Variants in COL1A2 observed in about 807,000 individuals in gnomAD.
COL1A2 encodes the protein collagen type I alpha 2 chain, also known as collagen alpha-2(I) chain.
A neutral mutation model predicts 174.3 loss-of-function variants in COL1A2; 49 were observed. The ratio of observed to expected loss-of-function variants is 0.28; its 90% CI spans 0.22 to 0.36. The LOEUF is 0.36. COL1A2 is among the 10% of genes least tolerant of loss of function. The pLI is 1.00. For synonymous variants in COL1A2, 655 were observed against 606.6 expected (o/e 1.08, Z -1.17); for missense variants, 1,438 against 1,822.7 (o/e 0.79, Z 3.84).
chr7:94,399,213 A>G (rs1237789725), intron 4 of COL1A2, 129 bp downstream of exon 4: 1 of 790,712 alleles, frequency 1.3e-6, no homozygotes, highest in Non-Finnish European at 2.1e-6. Flanking sequence ...TAAACAGGTA[A>G]TGCACTGCAG....
Position 94,427,962 on chromosome 7 carries a change from G to C in COL1A2, c.3526+77G>C, listed in dbSNP as rs41317743. The C allele has an allele frequency of 4.4e-4, 637 of 1,455,698 alleles. 3 individuals are homozygous for C. The African/African-American group carries it at 8.1e-3, about 19-fold the overall frequency. The allele number at this position is 1,455,698 out of a possible 1,614,324, so 90.2% of individuals were successfully genotyped here. ...CAAAATTAGTTTCCATTGACATTTA[G>C]AGTGAAAATGCATTTGGGTAAAGAT... On this transcript the variant is annotated intron_variant, in intron 49 of 51. Transcript: ENST00000297268.
intron 49 of COL1A2, among the ~76,000 whole-genome samples, 180 bp from the exon 50 acceptor site, chr7:94,428,113 A>G (rs1216704354): frequency 6.6e-6 from 1 of 152,100 alleles, no homozygotes; most frequent in Non-Finnish European, 1.5e-5. Context: ...TTGATTTTTC[A>G]TGGAGGAGGG....
At chr7:94,399,158 G>T (rs1413608519) in intron 4 of COL1A2, 74 bp downstream of exon 4, 8 of 1,370,406 alleles carry the variant, frequency 5.8e-6, no homozygotes, top group African/African-American at 1.4e-5. Flanking sequence ...ACAGGAACTG[G>T]CAATTTATAA....
At chr7:94,426,908 T>C in intron 46 of COL1A2, 100 bp from the exon 47 acceptor site, 1 of 991,412 alleles carries the variant, frequency 1.0e-6, no homozygotes, top group Non-Finnish European at 1.6e-6. Flanking sequence ...CAATCCGGAG[T>C]CCATTTAACT....
At position 94,411,145 on chromosome 7, in the gene COL1A2, G is replaced by A; in HGVS notation, c.1341G>A (p.Met447Ile). Reference protein sequence around the residue: ...DAGRPGEPGLMGPRGLPGSPG... With the variant: ...DAGRPGEPGLIGPRGLPGSPG... Reference sequence around the variant, plus strand: ...GTCGCCCTGGGGAGCCTGGTCTCATGGGACCCAGAGTAAGTTTCAAACTGA... The same window carrying A: ...GTCGCCCTGGGGAGCCTGGTCTCATAGGACCCAGAGTAAGTTTCAAACTGA... The change falls in exon 23 of 52, where the codon ATG (methionine) becomes ATA (isoleucine). Residue 447 changes from methionine (M) to isoleucine (I), a missense_variant. Coordinates refer to ENST00000297268, the MANE Select transcript of COL1A2 (RefSeq NM_000089.4). 6.3e-7 allele frequency: 1 copy of A among 1,580,968 alleles called. No individual in the cohort carries two copies. Among genetic ancestry groups the A allele is most frequent in the East Asian group, 2.3e-5 (1 of 43,354 alleles).
At position 94,420,581 on chromosome 7, in the gene COL1A2, C is replaced by T; in HGVS notation, c.2228C>T (p.Ala743Val). The change falls in exon 37 of 52, where the codon GCC (alanine) becomes GTC (valine). Residue 743 changes from alanine to valine, a missense_variant. Ala to Val is a moderately conservative substitution (Grantham distance 64). This residue lies in a region of COL1A2 where 867 missense variants were observed against 1,213.7 expected (regional missense o/e 0.71). Coordinates refer to ENST00000297268, the MANE Select transcript of COL1A2 (RefSeq NM_000089.4). ...CCTGGTGCTAAAGGAGAAAGAGGAGCCAAAGGGCCTAAGGGTGAAAACGGT... is the reference window on the plus strand; with the variant it reads ...CCTGGTGCTAAAGGAGAAAGAGGAGTCAAAGGGCCTAAGGGTGAAAACGGT... ...GQPGAKGERG[A>V]KGPKGENGVV... 1 of 1,613,616 alleles carries T rather than the reference C, an allele frequency of 6.2e-7. No individual in the cohort carries two copies. Among genetic ancestry groups the T allele is most frequent in the Non-Finnish European group, 8.5e-7 (1 of 1,179,822 alleles).
intron 20 of COL1A2, 42 bp from the exon 21 acceptor site, chr7:94,410,378 T>C: frequency 6.4e-7 from 1 of 1,572,624 alleles, no homozygotes; most frequent in South Asian, 1.2e-5. Context: ...GTATTAAAAT[T>C]ATTTTTTTAC....
intron 34 of COL1A2, 40 bp downstream of exon 34, chr7:94,419,591 A>T (rs1205436516): frequency 4.3e-6 from 7 of 1,612,032 alleles, no homozygotes; most frequent in Non-Finnish European, 5.9e-6. Context: ...CAATATCTAA[A>T]ATTTCCCGCC....
rs763364601 is a variant in COL1A2 at position 94,413,874 on chromosome 7, C to T, written c.1612-20C>T. On this transcript the variant is annotated intron_variant, in intron 27 of 51. Coordinates refer to ENST00000297268, the MANE Select transcript of COL1A2 (RefSeq NM_000089.4). ...GGTGACATACGTTGCTATTTATGCT[C>T]TCTTTCCTGTCACTTTCAGGGTGTT... 3 of 1,613,968 alleles carry T rather than the reference C, an allele frequency of 1.9e-6. No homozygotes were observed. The highest frequency in any genetic ancestry group is 4.5e-5 in the East Asian group (2 of 44,882).
Position 94,423,241 on chromosome 7 carries a change from T to C in COL1A2, c.2565+123T>C, listed in dbSNP as rs901905885. 76 of 1,194,170 alleles carry C rather than the reference T, an allele frequency of 6.4e-5. No individual in the cohort carries two copies. In the East Asian group the frequency reaches 1.7e-3, roughly 26 times the overall value. The allele number at this position is 1,194,170 out of a possible 1,614,324, so 74.0% of individuals were successfully genotyped here. A position where few individuals can be genotyped will look rare whatever the true frequency, so the allele number is the denominator to read the frequency against. On this transcript the variant is annotated intron_variant, in intron 40 of 51. Coordinates refer to ENST00000297268, the MANE Select transcript of COL1A2 (RefSeq NM_000089.4). ...TTGCAGGCTCTCAAGTAGAGCTCAG[T>C]TGAGCCAGGAAATCTGTCCAGCACA...
Position 94,395,043 on chromosome 7 carries a change from T to A in COL1A2, c.12T>A (p.Phe4Leu). The A allele has an allele frequency of 6.2e-7, 1 of 1,613,932 alleles. No homozygotes were observed. The change falls in exon 1 of 52, where the codon TTT becomes TTA. Residue 4 changes from phenylalanine (F) to leucine (L), a missense_variant. Coordinates refer to ENST00000297268, the MANE Select transcript of COL1A2 (RefSeq NM_000089.4). MLS[F>L]VDTRTLLLLA... Reference sequence around the variant, plus strand: ...TCTAAGTGCTAGACATGCTCAGCTTTGTGGATACGCGGACTTTGTTGCTGC... The same window carrying A: ...TCTAAGTGCTAGACATGCTCAGCTTAGTGGATACGCGGACTTTGTTGCTGC...
intron 31 of COL1A2, among the ~76,000 whole-genome samples, chr7:94,417,186 A>G (rs939604021): frequency 2.0e-5 from 3 of 152,180 alleles, no homozygotes; most frequent in African/African-American, 7.2e-5. Flanking sequence ...GAGGAAATAA[A>G]GAAACCACGG....
At position 94,410,295 on chromosome 7, in the gene COL1A2, C is replaced by T. The variant is rs748961276; in HGVS notation, c.1089C>T (p.Pro363=). The change falls in exon 20 of 52, where the codon CCC becomes CCT. Residue 363 remains proline, a splice_region_variant and synonymous_variant. Transcript: ENST00000297268. The part of the protein sequence containing the change: ...SKGESGNKGE[P]GSAGPQGPPG... ...GAGAGAGCGGTAACAAGGGTGAGCC[C>T]GTAAGTAGCTCTATCATCACACTTT... is the stretch of plus-strand genomic sequence containing the variant. The T allele has an allele frequency of 2.0e-5, 33 of 1,613,796 alleles. No individual in the cohort carries two copies. The highest frequency in any genetic ancestry group is 1.2e-4 in the South Asian group (11 of 91,068).
intron 21 of COL1A2, 146 bp from the exon 22 acceptor site, chr7:94,410,743 A>G: frequency 1.0e-6 from 1 of 962,344 alleles, no homozygotes; most frequent in Non-Finnish European, 1.6e-6. Context: ...TCATCTATGA[A>G]TTCCTCTAGG....
rs1321582299 is a variant in COL1A2, at chr7:94,416,448, CT to C, written c.1809del (p.Gly604ValfsTer78). On this transcript the variant is annotated frameshift_variant, in exon 31 of 52. Coordinates refer to ENST00000297268, the MANE Select transcript of COL1A2 (RefSeq NM_000089.4). LOFTEE classifies it high-confidence loss of function. ...PPGESGAAGP[T>X]GPIGSRGPSG... ...GGTGAGAGTGGTGCTGCCGGTCCTA[CT>C]GGTCCTATTGGAAGCCGAGGTCCTT... The C allele has an allele frequency of 6.3e-7, 1 of 1,588,198 alleles. No homozygotes were observed. Among genetic ancestry groups the C allele is most frequent in the Non-Finnish European group, 8.6e-7 (1 of 1,166,446 alleles).
intron 37 of COL1A2, 29 bp downstream of exon 37, chr7:94,420,677 A>G (rs1792141518): frequency 6.5e-7 from 1 of 1,545,972 alleles, no homozygotes; most frequent in Admixed American, 1.9e-5. Context: ...TGGTCCACAC[A>G]GCAGCTACCC....
intron 51 of COL1A2, 75 bp downstream of exon 51, chr7:94,429,505 G>A (rs955689039): frequency 1.2e-5 from 19 of 1,563,644 alleles, no homozygotes; most frequent in Non-Finnish European, 1.7e-5. Context: ...TGCCCCCAAG[G>A]GGGGGTCTAA....
Position 94,416,482 on chromosome 7 carries a change from C to A in COL1A2, c.1842C>A (p.Pro614=), listed in dbSNP as rs931023370. The A allele has an allele frequency of 1.3e-6, 2 of 1,576,180 alleles. No individual in the cohort carries two copies. Among genetic ancestry groups the A allele is most frequent in the Admixed American group, 3.6e-5 (2 of 54,928 alleles). The change falls in exon 31 of 52, where the codon CCC becomes CCA. Residue 614 remains proline, a synonymous_variant. Coordinates refer to ENST00000297268, the MANE Select transcript of COL1A2 (RefSeq NM_000089.4). ...TTGGAAGCCGAGGTCCTTCTGGACC[C>A]CCAGGGCCTGATGGAAACAAGGTAA... is the stretch of plus-strand genomic sequence containing the variant. ...GPIGSRGPSG[P]PGPDGNKGEP... is the part of the protein sequence containing the mutation.
At chr7:94,412,495 C>T (rs10274520) in intron 24 of COL1A2, 89 bp from the exon 25 acceptor site, 1 of 1,004,132 alleles carries the variant, frequency 1.0e-6, no homozygotes, top group East Asian at 2.6e-5. Flanking sequence ...ATTCAGAAAA[C>T]TATTCTGTTT....
Sources: allele counts gnomAD v4.1 joint callset (sites outside exome capture counted in the v4.1 genomes callset), GRCh38; gene constraint gnomAD v4.1.1; regional missense constraint gnomAD v4.1.1; transcripts MANE v1.5; gene names NCBI Gene and HGNC (gene_info 2026-07-23, HGNC 2026-07-21).